Variants in RBM10 observed in about 807,000 individuals in gnomAD.
RBM10 encodes RNA-binding protein 10.
A neutral mutation model predicts 84.9 loss-of-function variants in RBM10; 1 was observed. The ratio of observed to expected loss-of-function variants is 0.01; its 90% CI spans 0.00 to 0.06. The LOEUF is 0.06. Ranked by LOEUF, RBM10 falls within the 10% of genes least tolerant of loss-of-function variation. The pLI, the probability that RBM10 is intolerant of heterozygous loss-of-function variation, is 1.00. For missense variants in RBM10, 438 were observed against 839.0 expected, an observed-to-expected ratio of 0.52 and a Z score of 5.90; for synonymous variants, 326 against 344.5, an observed-to-expected ratio of 0.95 and a Z score of 0.60.
Position 47,169,491 on chromosome X carries a change from G to C in RBM10, c.194G>C (p.Ser65Thr). 1 of 1,207,895 alleles carries C rather than the reference G, an allele frequency of 8.3e-7. No homozygotes were observed. Among genetic ancestry groups the C allele is most frequent in the Non-Finnish European group, 1.1e-6 (1 of 893,656 alleles). ...HDYDDSSEEQ[S>T]AEDSYEASPG... The stretch of plus-strand genomic sequence containing the variant: ...TATGACGACTCATCTGAGGAGCAGA[G>C]TGCGGAGGTGAGGAGGGGGCGCGCT... Residue 65 changes from serine to threonine, a missense_variant, in exon 3 of 24, where the codon AGT becomes ACT. Coordinates refer to ENST00000377604, the MANE Select transcript of RBM10 (RefSeq NM_005676.5).
In RBM10 at chrX:47,158,263, A is replaced by T. The variant is rs887411771; in HGVS notation, c.17+10765A>T. 3.2e-5 allele frequency: 5 copies of T among 154,564 alleles called. No individual in the cohort carries two copies. The East Asian group carries it at 1.2e-3, about 37-fold the overall frequency. The allele number at this position is 154,564 out of a possible 1,213,427, so 12.7% of individuals were successfully genotyped here. On this transcript the variant is annotated intron_variant, in intron 2 of 23. Transcript: ENST00000377604. Reference sequence around the variant, plus strand: ...TGCCCATAGGCTGAGTCTGTTGGCCAGTGAGCGCTGGGAGCGTGCGGGCAC... The same window carrying T: ...TGCCCATAGGCTGAGTCTGTTGGCCTGTGAGCGCTGGGAGCGTGCGGGCAC...
chrX:47,171,426 G>A (rs1934664472), intron 4 of RBM10, among the ~76,000 whole-genome samples, 168 bp downstream of exon 4: 1 of 112,454 alleles, frequency 8.9e-6, no homozygotes, highest in Non-Finnish European at 1.9e-5. Context: ...AGGTCCCATC[G>A]GCCCCCCGGT....
chrX:47,164,909 A>G (rs1556768307), intron 2 of RBM10, among the ~76,000 whole-genome samples: 1 of 112,559 alleles, frequency 8.9e-6, no homozygotes, highest in East Asian at 2.8e-4. Context: ...TGAACAAAAT[A>G]TGCATACTAC....
chrX:47,157,480 C>T (rs1329556430), intron 2 of RBM10: 8 of 394,761 alleles, frequency 2.0e-5, no homozygotes, highest in South Asian at 6.4e-5. Flanking sequence ...GTGTCATCCC[C>T]GCACAGGCTT....
In RBM10 at chrX:47,149,333, T is replaced by G. The variant is rs1045139341; in HGVS notation, c.17+1835T>G. On this transcript the variant is annotated intron_variant, in intron 2 of 23. Coordinates refer to ENST00000377604, the MANE Select transcript of RBM10 (RefSeq NM_005676.5). ...CCGCTGTAACTGGCCAACAGTGCTGTTTTTTTTTGTTTGTTTGTTTTGTTT... is the reference window on the plus strand; with the variant it reads ...CCGCTGTAACTGGCCAACAGTGCTGGTTTTTTTTGTTTGTTTGTTTTGTTT... Among the ~76,000 whole-genome samples, 6 of 108,639 alleles carry G rather than the reference T, an allele frequency of 5.5e-5. No individual in the cohort carries two copies. The South Asian group carries it at 2.0e-3, about 35-fold the overall frequency. The allele number at this position is 108,639 out of a possible 115,157, so 94.3% of individuals were successfully genotyped here. A position where few individuals can be genotyped will look rare whatever the true frequency, so the allele number is the denominator to read the frequency against.
At chrX:47,165,803 C>T (rs782047330) in intron 2 of RBM10, among the ~76,000 whole-genome samples, 3 of 110,557 alleles carry the variant, frequency 2.7e-5, no homozygotes, top group Non-Finnish European at 3.8e-5. Flanking sequence ...GGGCAGATCA[C>T]GAGGTCAGGA....
rs1935423258 is a variant in RBM10, at chrX:47,180,256, A to G, written c.1107A>G (p.Pro369=). The change falls in exon 11 of 24, where the codon CCA becomes CCG. Residue 369 remains proline, a synonymous_variant. Transcript: ENST00000377604. ...LLQILQALHP[P]LTIDGKTINV... ...AGATCCTGCAGGCCCTGCACCCACC[A>G]CTCACTATCGACGGCAAGACCATCA... The G allele has an allele frequency of 8.3e-7, 1 of 1,203,458 alleles. No homozygotes were observed. Among genetic ancestry groups the G allele is most frequent in the Non-Finnish European group, 1.1e-6 (1 of 891,401 alleles).
chrX:47,184,995 G>A, intron 17 of RBM10, 60 bp from the exon 18 acceptor site: 1 of 1,153,906 alleles, frequency 8.7e-7, no homozygotes, highest in Non-Finnish European at 1.2e-6. Context: ...TCAGCAGATA[G>A]AGTTAGTAGC....
chrX:47,162,434 A>G (rs1288519689), intron 2 of RBM10, among the ~76,000 whole-genome samples: 2 of 112,029 alleles, frequency 1.8e-5, no homozygotes, highest in South Asian at 3.7e-4. Context: ...TGATTATTGT[A>G]TAGTACAATA....
chrX:47,164,901 AACAAAAT>A, intron 2 of RBM10, among the ~76,000 whole-genome samples: 1 of 112,601 alleles, frequency 8.9e-6, no homozygotes, highest in East Asian at 2.8e-4. Flanking sequence ...CAGATGAATG[AACAAAAT>A]ATGCATACTA....
intron 2 of RBM10, among the ~76,000 whole-genome samples, chrX:47,169,094 G>A (rs1176489467): frequency 9.0e-6 from 1 of 111,569 alleles, no homozygotes; most frequent in African/African-American, 3.3e-5. Context: ...GAGAAACCTG[G>A]CAGACACTGC....
In RBM10 at chrX:47,182,024, C is replaced by T. The variant is rs1556780068; in HGVS notation, c.1767C>T (p.Tyr589=). 8.3e-7 allele frequency: 1 copy of T among 1,209,612 alleles called. No homozygotes were observed. Among genetic ancestry groups the T allele is most frequent in the Non-Finnish European group, 1.1e-6 (1 of 895,152 alleles). ...ACTATGACCCCCAGACCGGCCTCTA[C>T]TATGACCCCAACTCCCAGGTAATAG... is the stretch of plus-strand genomic sequence containing the variant. ...GYYYDPQTGL[Y]YDPNSQYYYN... Residue 589 remains tyrosine, a synonymous_variant, in exon 16 of 24, where the codon TAC becomes TAT. Transcript: ENST00000377604.
At chrX:47,152,903 A>G (rs1932852398) in intron 2 of RBM10, among the ~76,000 whole-genome samples, 1 of 108,713 alleles carries the variant, frequency 9.2e-6, no homozygotes, top group African/African-American at 3.4e-5. Flanking sequence ...CTGGAGTGCA[A>G]TGGTGCAATC....
rs1160810665 is a variant in RBM10, at chrX:47,145,636, G to GTTT, written c.-126+175_-126+177dup. On this transcript the variant is annotated intron_variant, in intron 1 of 23. Transcript: ENST00000377604. Reference sequence around the variant, plus strand: ...ACCCGGGAGGGTTTTTTTTTTTTTGGTTTTTTTTTTTTTTTTTTTTTTTTT... The same window carrying GTTT: ...ACCCGGGAGGGTTTTTTTTTTTTTGGTTTTTTTTTTTTTTTTTTTTTTTTTTTT... 75 of 68,381 alleles carry GTTT rather than the reference G, an allele frequency of 1.1e-3. 1 individual carries two copies. Among genetic ancestry groups the GTTT allele is most frequent in the African/African-American group, 2.3e-3 (21 of 9,230 alleles). 5.6% of individuals were successfully genotyped at this position (68,381 alleles called of 1,213,427 possible).
At chrX:47,168,058 A>G (rs782214937) in intron 2 of RBM10, among the ~76,000 whole-genome samples, 2 of 112,366 alleles carry the variant, frequency 1.8e-5, no homozygotes, top group African/African-American at 6.5e-5. Flanking sequence ...CTGTTAGTAT[A>G]GTAGCATTCT....
chrX:47,170,629 C>T (rs1934575885), intron 3 of RBM10, among the ~76,000 whole-genome samples: 2 of 112,331 alleles, frequency 1.8e-5, no homozygotes, highest in Admixed American at 9.4e-5. Flanking sequence ...ATGCAGCCTT[C>T]GGTGGTACAG....
At chrX:47,183,581 A>G (rs1384838077) in intron 17 of RBM10, among the ~76,000 whole-genome samples, 1 of 110,742 alleles carries the variant, frequency 9.0e-6, no homozygotes, top group Non-Finnish European at 1.9e-5. Context: ...GTGAAGGATG[A>G]AAAATTACTT....
Position 47,145,425 on chromosome X carries a change from G to A in RBM10, c.-186G>A. ...TCCGGCTGAGCTGGGAGAGTTGGAG[G>A]AGGTGGCGGCGGGCAGAGGTGATGT... On this transcript the variant is annotated 5_prime_UTR_variant, in exon 1 of 24. Transcript: ENST00000377604. 8.7e-7 allele frequency: 1 copy of A among 1,153,874 alleles called. No individual in the cohort carries two copies. The highest frequency in any genetic ancestry group is 1.1e-6 in the Non-Finnish European group (1 of 871,229).
At chrX:47,175,226 C>A in intron 6 of RBM10, 134 bp downstream of exon 6, 1 of 501,623 alleles carries the variant, frequency 2.0e-6, no homozygotes, top group East Asian at 3.8e-5. Context: ...CCCTCTCTCC[C>A]CTTCCTGACC....
Sources: gnomAD v4.1 joint callset for allele counts (sites outside exome capture counted in the v4.1 genomes callset) on GRCh38, gnomAD v4.1.1 for gene constraint, MANE v1.5 for transcripts, NCBI Gene and HGNC (gene_info 2026-07-23, HGNC 2026-07-21) for gene names.